The following KLRD1 variants were observed in gnomAD, a reference collection of about 807,000 sequenced individuals.
The protein encoded by KLRD1 is natural killer cells antigen CD94.
A neutral mutation model predicts 22.6 loss-of-function variants in KLRD1; 21 were observed. The ratio of observed to expected loss-of-function variants is 0.93; its 90% CI spans 0.66 to 1.34. The LOEUF (loss-of-function observed/expected upper bound fraction) is 1.34, where lower values mean the gene tolerates loss of function less well. Among genes scored for constraint, KLRD1 ranks in the 40% most tolerant of loss-of-function variants. The pLI, the probability that KLRD1 is intolerant of heterozygous loss-of-function variation, is 0.00. For synonymous variants in KLRD1, 59 were observed against 71.1 expected (o/e 0.83, Z 0.85); for missense variants, 183 against 208.6 (o/e 0.88, Z 0.76).
intron 1 of KLRD1, among the ~76,000 whole-genome samples, chr12:10,278,044 C>G (rs1949607492): frequency 6.6e-6 from 1 of 152,236 alleles, no homozygotes; most frequent in African/African-American, 2.4e-5. Flanking sequence ...GAGTGAAGGA[C>G]TGTTTCTTAT....
chr12:10,281,091 A>G (rs555513497), intron 1 of KLRD1, among the ~76,000 whole-genome samples: 19 of 152,314 alleles, frequency 1.2e-4, no homozygotes, highest in Non-Finnish European at 2.6e-4. Flanking sequence ...AGATTGAAGG[A>G]TTATTTTGGA....
rs116557368 is a variant in KLRD1, at chr12:10,267,696, C to A, written c.-100-40282C>A. On this transcript the variant is annotated intron_variant, in intron 1 of 5. Coordinates refer to the KLRD1 transcript ENST00000544747. ...TGTCACAGAATGAAAGAAGAGGAGT[C>A]TGTGCACATGCTCTATGGCTAGAAG... 4.7e-3 allele frequency among the ~76,000 whole-genome samples: 718 copies of A among 152,294 alleles called. 11 individuals are homozygous for A. Among genetic ancestry groups the A allele is most frequent in the African/African-American group, 0.016 (680 of 41,558 alleles).
intron 1 of KLRD1, among the ~76,000 whole-genome samples, chr12:10,267,875 T>C (rs1317783040): frequency 6.6e-6 from 1 of 152,174 alleles, no homozygotes; most frequent in East Asian, 1.9e-4. Flanking sequence ...CCACGTTACA[T>C]TCAATGAACT....
rs1950056927 is a variant in KLRD1 at position 10,311,099 on chromosome 12, G to A, written c.164-365G>A. On this transcript the variant is annotated intron_variant, in intron 3 of 5. Coordinates refer to ENST00000336164, the MANE Select transcript of KLRD1 (RefSeq NM_002262.5). Reference sequence around the variant, plus strand: ...CTAGTTAACTCCTATTTATGCTACAGTACTTAGTTTTGAGTCACTTCCTCA... The same window carrying A: ...CTAGTTAACTCCTATTTATGCTACAATACTTAGTTTTGAGTCACTTCCTCA... Among the ~76,000 whole-genome samples, 3 of 152,136 alleles carry A rather than the reference G, an allele frequency of 2.0e-5. No individual in the cohort carries two copies. The South Asian group carries it at 6.2e-4, about 32-fold the overall frequency.
At chr12:10,277,243 C>G (rs1003574641) in intron 1 of KLRD1, among the ~76,000 whole-genome samples, 5 of 151,586 alleles carry the variant, frequency 3.3e-5, no homozygotes, top group African/African-American at 1.2e-4. Context: ...AACTGTATCC[C>G]CACTACTGAT....
At chr12:10,246,912 CTTT>C in intron 1 of KLRD1, among the ~76,000 whole-genome samples, 1 of 123,718 alleles carries the variant, frequency 8.1e-6, no homozygotes, top group Non-Finnish European at 1.7e-5. Flanking sequence ...TTTCTTTTTT[CTTT>C]TTCTTTTCTT....
chr12:10,311,074 C>G (rs1248049316), intron 3 of KLRD1, among the ~76,000 whole-genome samples: 1 of 152,146 alleles, frequency 6.6e-6, no homozygotes, highest in Non-Finnish European at 1.5e-5. Flanking sequence ...TCTTTTTCAT[C>G]TAGTTAACTC....
At chr12:10,269,121 T>C (rs1045446695) in intron 1 of KLRD1, among the ~76,000 whole-genome samples, 1 of 152,124 alleles carries the variant, frequency 6.6e-6, no homozygotes, top group Non-Finnish European at 1.5e-5. Context: ...AGTCATTTTC[T>C]GTTATTAAGA....
In KLRD1 at chr12:10,323,435, CTTTT is replaced by C; in HGVS notation, c.*8648_*8651del. On this transcript the variant is annotated 3_prime_UTR_variant, in exon 6 of 6. Coordinates refer to ENST00000336164, the MANE Select transcript of KLRD1 (RefSeq NM_002262.5). ...ATGAATAATGATGCTTATCCCTCATCTTTTTTTTTCATTTTTATATCCCCTTCTA... is the reference window on the plus strand; with the variant it reads ...ATGAATAATGATGCTTATCCCTCATCTTTTTCATTTTTATATCCCCTTCTA... The C allele has an allele frequency of 3.8e-5, 1 of 26,546 alleles. No homozygotes were observed. 1.6% of individuals were successfully genotyped at this position (26,546 alleles called of 1,614,324 possible).
At position 10,320,381 on chromosome 12, in the gene KLRD1, A is replaced by G. The variant is rs919722148; in HGVS notation, c.*5588A>G. The G allele has an allele frequency of 2.0e-5, 3 of 152,166 alleles. No homozygotes were observed. The highest frequency in any genetic ancestry group is 2.9e-5 in the Non-Finnish European group (2 of 68,022). The allele number at this position is 152,166 out of a possible 1,614,324, so 9.4% of individuals were successfully genotyped here. A position where few individuals can be genotyped will look rare whatever the true frequency, so the allele number is the denominator to read the frequency against. The stretch of plus-strand genomic sequence containing the variant: ...GCTTATAGTAGGGAAGTGAAAACAT[A>G]TTAGAAACTGGAGAAAGTAAAAATC... On this transcript the variant is annotated 3_prime_UTR_variant, in exon 6 of 6. Transcript: ENST00000336164.
At chr12:10,300,134 T>G (rs1398139461), upstream of KLRD1, among the ~76,000 whole-genome samples, 2 of 152,222 alleles carry the variant, frequency 1.3e-5, no homozygotes, top group African/African-American at 4.8e-5. Flanking sequence ...TTTGACTTCC[T>G]TCCATGAATC....
At chr12:10,265,831 C>A (rs777474388) in intron 1 of KLRD1, among the ~76,000 whole-genome samples, 1 of 152,164 alleles carries the variant, frequency 6.6e-6, no homozygotes, top group Non-Finnish European at 1.5e-5. Context: ...TCTAACATGT[C>A]CCTGTACAGC....
chr12:10,239,561 TTCTTTCTTTCTTTCTTTCTTTCTTTTTC>T (rs1949221360), intron 1 of KLRD1, among the ~76,000 whole-genome samples: 2 of 130,376 alleles, frequency 1.5e-5, no homozygotes, highest in African/African-American at 6.6e-5. Flanking sequence ...CTTTCTTTCT[TTCTTTCTTTCTTTCTTTCTTTCTTTTTC>T]TTTCTTTCTT....
chr12:10,292,464 C>T (rs1949779165), intron 1 of KLRD1, among the ~76,000 whole-genome samples: 1 of 152,206 alleles, frequency 6.6e-6, no homozygotes, highest in African/African-American at 2.4e-5. Flanking sequence ...TTGAAAATGA[C>T]ATGAATTTCT....
intron 1 of KLRD1, among the ~76,000 whole-genome samples, chr12:10,289,923 C>T (rs1044117189): frequency 1.3e-5 from 2 of 152,088 alleles, no homozygotes; most frequent in African/African-American, 4.8e-5. Flanking sequence ...GGATTACAGG[C>T]ATGCACCACC....
intron 1 of KLRD1, among the ~76,000 whole-genome samples, chr12:10,279,513 T>A (rs1949621519): frequency 1.3e-5 from 2 of 152,208 alleles, no homozygotes. Context: ...TGTAAAGGAT[T>A]CTGATTTATA....
At position 10,322,428 on chromosome 12, in the gene KLRD1, A is replaced by G. The variant is rs1950319939; in HGVS notation, c.*7635A>G. ...GGTTCTATTGTTATAACCCTTATAC[A>G]ATAAAAAACAACTCTTCTGCCAGAT... On this transcript the variant is annotated 3_prime_UTR_variant, in exon 6 of 6. Coordinates refer to ENST00000336164, the MANE Select transcript of KLRD1 (RefSeq NM_002262.5). The G allele has an allele frequency of 6.6e-6, 1 of 152,252 alleles. No individual in the cohort carries two copies. The highest frequency in any genetic ancestry group is 1.5e-5 in the Non-Finnish European group (1 of 68,050). 9.4% of individuals were successfully genotyped at this position (152,252 alleles called of 1,614,324 possible).
rs1228704355 is a variant in KLRD1 at position 10,326,945 on chromosome 12, G to A, written c.*12152G>A. 1 of 152,132 alleles carries A rather than the reference G, an allele frequency of 6.6e-6. No individual in the cohort carries two copies. Among genetic ancestry groups the A allele is most frequent in the Non-Finnish European group, 1.5e-5 (1 of 68,038 alleles). The allele number at this position is 152,132 out of a possible 1,614,324, so 9.4% of individuals were successfully genotyped here. The stretch of plus-strand genomic sequence containing the variant: ...CTACTTGTCTATTCTTGCTTTTGTT[G>A]CCTGTGCTTTTGGTGTCAGATTGAT... On this transcript the variant is annotated 3_prime_UTR_variant, in exon 6 of 6. Transcript: ENST00000336164.
chr12:10,315,035 ATT>A lies in KLRD1; in HGVS notation c.*244_*245del. On this transcript the variant is annotated 3_prime_UTR_variant, in exon 6 of 6. Coordinates refer to ENST00000336164, the MANE Select transcript of KLRD1 (RefSeq NM_002262.5). ...TTTTGTATTTTCATTTAATGTATATATTTAATGTTAAATTCAATGTAGTTTTA... is the reference window on the plus strand; with the variant it reads ...TTTTGTATTTTCATTTAATGTATATATAATGTTAAATTCAATGTAGTTTTA... 9.1e-6 allele frequency: 1 copy of A among 110,234 alleles called. No homozygotes were observed. The highest frequency in any genetic ancestry group is 1.6e-5 in the Non-Finnish European group (1 of 61,512). 6.8% of individuals were successfully genotyped at this position (110,234 alleles called of 1,614,324 possible).
Sources: allele counts gnomAD v4.1 joint callset (sites outside exome capture counted in the v4.1 genomes callset), GRCh38; gene constraint gnomAD v4.1.1; transcripts MANE v1.5; gene names NCBI Gene and HGNC (gene_info 2026-07-23, HGNC 2026-07-21).